Variants in KCNN3 observed in about 807,000 individuals in gnomAD.
KCNN3 encodes small conductance calcium-activated potassium channel protein 3.
Under a neutral mutation model 62.9 loss-of-function variants are expected in KCNN3, and 16 were observed. The ratio of observed to expected loss-of-function variants is 0.25; its 90% CI spans 0.17 to 0.39. The LOEUF (loss-of-function observed/expected upper bound fraction) is 0.39. Ranked by LOEUF, KCNN3 falls within the 10% of genes least tolerant of loss-of-function variation. KCNN3 has a pLI of 1.00. For missense variants in KCNN3, 599 were observed against 949.4 expected (o/e 0.63, Z 4.85); for synonymous variants, 370 against 389.2 (o/e 0.95, Z 0.58).
intron 1 of KCNN3, among the ~76,000 whole-genome samples, chr1:154,867,721 C>T (rs1475379216): frequency 1.4e-5 from 2 of 146,098 alleles, no homozygotes; most frequent in Non-Finnish European, 3.0e-5. Flanking sequence ...CGCCCAGCCA[C>T]CCCCCCACCA....
chr1:154,726,121 T>G, intron 4 of KCNN3, 95 bp from the exon 5 acceptor site: 1 of 858,546 alleles, frequency 1.2e-6, no homozygotes. Context: ...CGGGGGTAAT[T>G]TCCTGGGAGT....
At chr1:154,853,738 G>A (rs890505529) in intron 1 of KCNN3, among the ~76,000 whole-genome samples, 1 of 152,042 alleles carries the variant, frequency 6.6e-6, no homozygotes, top group Admixed American at 6.5e-5. Flanking sequence ...GAGGTCAGGG[G>A]TTCAAGACCA....
intron 1 of KCNN3, among the ~76,000 whole-genome samples, chr1:154,827,568 G>A (rs1374528601): frequency 6.6e-6 from 1 of 152,204 alleles, no homozygotes; most frequent in Non-Finnish European, 1.5e-5. Context: ...GGAGGCCAAG[G>A]CAGGTGGATC....
At chr1:154,824,560 C>T (rs1287204222) in intron 1 of KCNN3, among the ~76,000 whole-genome samples, 1 of 152,218 alleles carries the variant, frequency 6.6e-6, no homozygotes, top group African/African-American at 2.4e-5. Flanking sequence ...TGGGGATCAA[C>T]TGGGGACAGC....
chr1:154,811,297 C>T (rs6688473), intron 2 of KCNN3, among the ~76,000 whole-genome samples: 42,920 of 152,020 alleles, frequency 0.28, 7,795 homozygotes, highest in African/African-American at 0.52. Context: ...CAAGGCCACA[C>T]AGAAAATGAC....
intron 2 of KCNN3, among the ~76,000 whole-genome samples, chr1:154,819,197 G>T (rs112202101): frequency 1.3e-3 from 198 of 152,208 alleles, no homozygotes; most frequent in African/African-American, 4.5e-3. Context: ...TCCTCCACTC[G>T]CAGGAAGCAG....
At chr1:154,756,324 AAAG>A (rs1282641078) in intron 3 of KCNN3, among the ~76,000 whole-genome samples, 2 of 151,478 alleles carry the variant, frequency 1.3e-5, no homozygotes, top group South Asian at 4.2e-4. Flanking sequence ...AGAAGAAGAA[AAAG>A]AAGAAGAGGA....
intron 3 of KCNN3, among the ~76,000 whole-genome samples, chr1:154,734,440 G>A (rs1200117830): frequency 6.6e-6 from 1 of 152,234 alleles, no homozygotes; most frequent in East Asian, 1.9e-4. Context: ...GCTTCCGTGA[G>A]TTAATGCACA....
At chr1:154,775,277 G>A (rs1466444347) in intron 2 of KCNN3, among the ~76,000 whole-genome samples, 1 of 152,200 alleles carries the variant, frequency 6.6e-6, no homozygotes, top group Admixed American at 6.5e-5. Context: ...GGCGGGCGAT[G>A]CTTGCCTTGC....
intron 4 of KCNN3, among the ~76,000 whole-genome samples, chr1:154,729,432 G>A (rs1008157305): frequency 1.3e-5 from 2 of 152,066 alleles, no homozygotes; most frequent in East Asian, 1.9e-4. Context: ...TGGCTGGGAC[G>A]GGGTGAACAC....
intron 3 of KCNN3, among the ~76,000 whole-genome samples, chr1:154,765,801 T>TTTTTG (rs1553231936): frequency 2.0e-5 from 3 of 151,548 alleles, no homozygotes; most frequent in East Asian, 1.9e-4. Flanking sequence ...TTTTGGTTTT[T>TTTTTG]TTTTGTTTTG....
In KCNN3 at chr1:154,697,573, G is replaced by A. The variant is rs1699765436; in HGVS notation, c.*10403C>T. On this transcript the variant is annotated 3_prime_UTR_variant, in exon 8 of 8. Coordinates refer to ENST00000271915, the MANE Select transcript of KCNN3 (RefSeq NM_002249.6). ...ATTCTCTCCAGCTTCAGTTCAAGCA[G>A]GAGTGGGGAAGGCCATAGACTAAGC... 1 of 152,184 alleles carries A rather than the reference G, an allele frequency of 6.6e-6. No individual in the cohort carries two copies. The allele number at this position is 152,184 out of a possible 1,614,324, so 9.4% of individuals were successfully genotyped here.
rs370117906 is a variant in KCNN3, at chr1:154,863,008, G to A, written c.933+6024C>T. Among the ~76,000 whole-genome samples the A allele has an allele frequency of 3.9e-5, 6 of 152,234 alleles. No individual in the cohort carries two copies. The South Asian group carries it at 6.2e-4, about 16-fold the overall frequency. ...CGGTGACTTCATCTACACAGGGGGC[G>A]GTGAGCACGACCTGCTCCTTGTACT... On this transcript the variant is annotated intron_variant, in intron 1 of 7. Coordinates refer to ENST00000271915, the MANE Select transcript of KCNN3 (RefSeq NM_002249.6).
rs925669151 is a variant in KCNN3, at chr1:154,704,261, C to T, written c.*3715G>A. ...GTCAGTGGTGACTTGGGGCCTTCCCCCCTTGTTCTTTTGGATTGTATTAAG... is the reference window on the plus strand; with the variant it reads ...GTCAGTGGTGACTTGGGGCCTTCCCTCCTTGTTCTTTTGGATTGTATTAAG... On this transcript the variant is annotated 3_prime_UTR_variant, in exon 8 of 8. Coordinates refer to ENST00000271915, the MANE Select transcript of KCNN3 (RefSeq NM_002249.6). The T allele has an allele frequency of 1.3e-5, 2 of 152,196 alleles. No homozygotes were observed. The highest frequency in any genetic ancestry group is 1.3e-4 in the Admixed American group (2 of 15,280). 9.4% of individuals were successfully genotyped at this position (152,196 alleles called of 1,614,324 possible). A position where few individuals can be genotyped will look rare whatever the true frequency, so the allele number is the denominator to read the frequency against.
At chr1:154,713,329 G>A in intron 7 of KCNN3, 135 bp downstream of exon 7, 1 of 706,962 alleles carries the variant, frequency 1.4e-6, no homozygotes, top group Non-Finnish European at 2.6e-6. Flanking sequence ...AGGTATTTTT[G>A]AACCAAGCAG....
rs951665447 is a variant in KCNN3 at position 154,831,735 on chromosome 1, G to A, written c.934-9551C>T. Among the ~76,000 whole-genome samples, 23 of 152,216 alleles carry A rather than the reference G, an allele frequency of 1.5e-4. No individual in the cohort carries two copies. In the Middle Eastern group the frequency reaches 0.01, roughly 68 times the overall value. On this transcript the variant is annotated intron_variant, in intron 1 of 7. Coordinates refer to ENST00000271915, the MANE Select transcript of KCNN3 (RefSeq NM_002249.6). ...CACTTCCTCTCAATGTAGCCCTGGA[G>A]AGACTCTATTTTGGATGGCTCTTTT...
chr1:154,786,257 T>G (rs1649279481), intron 2 of KCNN3, among the ~76,000 whole-genome samples: 1 of 152,202 alleles, frequency 6.6e-6, no homozygotes, highest in Non-Finnish European at 1.5e-5. Context: ...TAAAGAAATA[T>G]TTTAATTGTT....
rs1699876025 is a variant in KCNN3, at chr1:154,702,630, G to T, written c.*5346C>A. 6.9e-6 allele frequency: 1 copy of T among 145,820 alleles called. No homozygotes were observed. Among genetic ancestry groups the T allele is most frequent in the South Asian group, 2.2e-4 (1 of 4,620 alleles). 9.0% of individuals were successfully genotyped at this position (145,820 alleles called of 1,614,324 possible). A position where few individuals can be genotyped will look rare whatever the true frequency, so the allele number is the denominator to read the frequency against. On this transcript the variant is annotated 3_prime_UTR_variant, in exon 8 of 8. Coordinates refer to ENST00000271915, the MANE Select transcript of KCNN3 (RefSeq NM_002249.6). Reference sequence around the variant, plus strand: ...TCAAAAACTGAGACAACATGACACAGCTAGAGAATGTTGTTTATTCCTTGT... The same window carrying T: ...TCAAAAACTGAGACAACATGACACATCTAGAGAATGTTGTTTATTCCTTGT...
At chr1:154,841,268 T>A (rs1651816862) in intron 1 of KCNN3, among the ~76,000 whole-genome samples, 1 of 152,152 alleles carries the variant, frequency 6.6e-6, no homozygotes, top group Non-Finnish European at 1.5e-5. Flanking sequence ...AATAATCACC[T>A]CCATTTAGTA....
Sources: gnomAD v4.1 joint callset for allele counts (sites outside exome capture counted in the v4.1 genomes callset) on GRCh38, gnomAD v4.1.1 for gene constraint, MANE v1.5 for transcripts, NCBI Gene and HGNC (gene_info 2026-07-23, HGNC 2026-07-21) for gene names.